The following THSD7B variants were observed in gnomAD, a reference collection of about 807,000 sequenced individuals.
The protein encoded by THSD7B is thrombospondin type 1 domain containing 7B.
In THSD7B, 138 loss-of-function variants were observed where a neutral mutation model predicts 213.6. That is an observed-to-expected ratio of 0.65 (90% CI 0.56 to 0.74). The LOEUF is 0.74. Among genes scored for constraint, THSD7B ranks in the 30% least tolerant of loss-of-function variants. THSD7B has a pLI of 0.00. For missense variants in THSD7B, 1,931 were observed against 1,991.5 expected (o/e 0.97, Z 0.58); for synonymous variants, 742 against 687.0 (o/e 1.08, Z -1.25).
At chr2:136,901,681 G>A (rs897775236) in intron 2 of THSD7B, among the ~76,000 whole-genome samples, 2 of 152,170 alleles carry the variant, frequency 1.3e-5, no homozygotes, top group Admixed American at 6.6e-5. Context: ...ACTTTGACAA[G>A]GAGAAATTCC....
intron 1 of THSD7B, among the ~76,000 whole-genome samples, chr2:136,813,181 T>C (rs1239014805): frequency 2.0e-5 from 3 of 152,236 alleles, no homozygotes; most frequent in Admixed American, 6.5e-5. Flanking sequence ...TTGATGAATA[T>C]GCAATGATTT....
chr2:137,278,109 G>A (rs116754499), intron 12 of THSD7B, among the ~76,000 whole-genome samples: 1,657 of 152,178 alleles, frequency 0.011, 23 homozygotes, highest in African/African-American at 0.037. Context: ...GATTTCCTCT[G>A]AACATTAAAC....
intron 17 of THSD7B, among the ~76,000 whole-genome samples, chr2:137,579,325 G>T (rs1681526719): frequency 6.6e-6 from 1 of 152,088 alleles, no homozygotes; most frequent in Non-Finnish European, 1.5e-5. Flanking sequence ...TGAGACATTG[G>T]TTTTTTCCTG....
intron 10 of THSD7B, among the ~76,000 whole-genome samples, chr2:137,266,000 G>A (rs747737305): frequency 6.6e-5 from 10 of 152,176 alleles, no homozygotes; most frequent in African/African-American, 1.7e-4. Context: ...ATGGTTTTAA[G>A]CCATTCATTG....
intron 1 of THSD7B, among the ~76,000 whole-genome samples, chr2:136,810,096 G>A (rs1263960824): frequency 6.6e-6 from 1 of 152,138 alleles, no homozygotes; most frequent in Non-Finnish European, 1.5e-5. Context: ...AGGAGACTCC[G>A]GGTAGTTAAC....
chr2:137,494,017 T>A (rs2105126230), intron 15 of THSD7B, among the ~76,000 whole-genome samples: 1 of 152,308 alleles, frequency 6.6e-6, no homozygotes, highest in African/African-American at 2.4e-5. Flanking sequence ...GTAAATAAAT[T>A]GAACAATAGC....
intron 12 of THSD7B, among the ~76,000 whole-genome samples, chr2:137,362,076 A>G (rs568347338): frequency 3.3e-5 from 5 of 152,328 alleles, no homozygotes; most frequent in Admixed American, 2.0e-4. Context: ...GGGGGCCAAT[A>G]TTCAACATTC....
chr2:136,988,360 AAAG>A (rs1343186033), intron 2 of THSD7B, among the ~76,000 whole-genome samples: 1 of 152,208 alleles, frequency 6.6e-6, no homozygotes, highest in Non-Finnish European at 1.5e-5. Context: ...CTATTGTGGA[AAAG>A]AATGTCCATG....
intron 2 of THSD7B, among the ~76,000 whole-genome samples, chr2:137,034,520 A>T (rs565675094): frequency 2.3e-4 from 35 of 152,156 alleles, no homozygotes; most frequent in African/African-American, 7.9e-4. Context: ...GCACTTATTA[A>T]CCCGTCATCT....
intron 9 of THSD7B, among the ~76,000 whole-genome samples, chr2:137,236,612 G>T (rs1006151843): frequency 3.9e-5 from 6 of 152,162 alleles, no homozygotes; most frequent in African/African-American, 1.4e-4. Flanking sequence ...TGCTTTTAAT[G>T]TGAAAACAAC....
intron 2 of THSD7B, among the ~76,000 whole-genome samples, chr2:137,007,600 C>G (rs1686142277): frequency 6.6e-6 from 1 of 152,100 alleles, no homozygotes; most frequent in Non-Finnish European, 1.5e-5. Context: ...CTGGCCTGGT[C>G]AGATCTTGAA....
intron 3 of THSD7B, among the ~76,000 whole-genome samples, chr2:137,081,445 G>A (rs937466212): frequency 2.6e-5 from 4 of 151,866 alleles, no homozygotes; most frequent in African/African-American, 7.3e-5. Flanking sequence ...AATCTTGTAT[G>A]TCATCATTTG....
chr2:137,074,293 G>A (rs941528290), intron 3 of THSD7B, among the ~76,000 whole-genome samples: 1 of 152,098 alleles, frequency 6.6e-6, no homozygotes, highest in African/African-American at 2.4e-5. Flanking sequence ...TATATATTTA[G>A]GATAGTTAGC....
intron 17 of THSD7B, among the ~76,000 whole-genome samples, chr2:137,603,797 A>T (rs1682119060): frequency 6.6e-6 from 1 of 152,232 alleles, no homozygotes; most frequent in South Asian, 2.1e-4. Context: ...ACAAATGCAT[A>T]CAAATTAGTA....
chr2:136,891,397 G>A (rs1013821510), intron 2 of THSD7B, among the ~76,000 whole-genome samples: 1 of 152,142 alleles, frequency 6.6e-6, no homozygotes, highest in African/African-American at 2.4e-5. Flanking sequence ...ATTTTTGTGT[G>A]GAGAGCTGGC....
chr2:137,356,870 A>T (rs1685140290), intron 12 of THSD7B, among the ~76,000 whole-genome samples: 1 of 151,868 alleles, frequency 6.6e-6, no homozygotes, highest in African/African-American at 2.4e-5. Context: ...GTAGCAGTGG[A>T]TCAGTAATAC....
chr2:137,315,353 G>A (rs900487082), intron 12 of THSD7B, among the ~76,000 whole-genome samples: 4 of 152,238 alleles, frequency 2.6e-5, no homozygotes, highest in African/African-American at 4.8e-5. Flanking sequence ...GCAATGCCTC[G>A]CCCTGCTTCG....
chr2:137,009,906 A>G (rs1393244187), intron 2 of THSD7B, among the ~76,000 whole-genome samples: 2 of 152,350 alleles, frequency 1.3e-5, no homozygotes, highest in African/African-American at 4.8e-5. Context: ...TTGACATTTC[A>G]TAAACATTTC....
At chr2:137,246,970 C>T (rs961401112) in intron 10 of THSD7B, among the ~76,000 whole-genome samples, 8 of 152,008 alleles carry the variant, frequency 5.3e-5, no homozygotes, top group African/African-American at 9.7e-5. Flanking sequence ...AGGATATCTG[C>T]GATAAATTCT....
Sources: allele counts gnomAD v4.1 joint callset (sites outside exome capture counted in the v4.1 genomes callset), GRCh38; gene constraint gnomAD v4.1.1; transcripts MANE v1.5; gene names NCBI Gene and HGNC (gene_info 2026-07-23, HGNC 2026-07-21).